Variants in INTS8 observed in about 807,000 individuals in gnomAD.
INTS8 encodes the protein protein kaonashi-1.
Under a neutral mutation model 138.9 loss-of-function variants are expected in INTS8, and 47 were observed. The ratio of observed to expected loss-of-function variants is 0.34; its 90% CI spans 0.27 to 0.43. The LOEUF (loss-of-function observed/expected upper bound fraction) is 0.43. INTS8 is among the 20% of genes least tolerant of loss of function. The pLI is 1.00. For synonymous variants in INTS8, 392 were observed against 400.9 expected (o/e 0.98, Z 0.27); for missense variants, 996 against 1,173.0 (o/e 0.85, Z 2.20).
At chr8:94,823,884 G>T (rs972399035) in intron 1 of INTS8, among the ~76,000 whole-genome samples, 7 of 152,252 alleles carry the variant, frequency 4.6e-5, no homozygotes, top group African/African-American at 1.7e-4. Flanking sequence ...CTTGGGTCGG[G>T]GAGGCTGACC....
At position 94,853,910 on chromosome 8, in the gene INTS8, G is replaced by A; in HGVS notation, c.1747G>A (p.Val583Ile). 1 of 1,542,356 alleles carries A rather than the reference G, an allele frequency of 6.5e-7. No individual in the cohort carries two copies. Among genetic ancestry groups the A allele is most frequent in the Non-Finnish European group, 9.0e-7 (1 of 1,114,790 alleles). Residue 583 changes from valine to isoleucine, a missense_variant, in exon 14 of 27, where the codon GTT (valine) becomes ATT (isoleucine). Transcript: ENST00000523731. ...LMAKGLHCST[V>I]KDFSHAKQLF... is the part of the protein sequence containing the mutation. ...GGCCAAAGGTTTGCACTGCAGTACT[G>A]TTAAGGTGAGTAAAAGTGTGTATCA...
chr8:94,865,418 C>A, intron 16 of INTS8, 88 bp from the exon 17 acceptor site: 1 of 1,045,318 alleles, frequency 9.6e-7, no homozygotes, highest in Non-Finnish European at 1.4e-6. Flanking sequence ...GCAGTCATTC[C>A]ATCTTTCCTC....
At position 94,840,559 on chromosome 8, in the gene INTS8, G is replaced by GTTTT. The variant is rs11395069; in HGVS notation, c.1018-919_1018-916dup. ...TTTTTTCAGCTGAATTTTTTAATTA[G>GTTTT]TTTTTTTTTTTTTTTTGAGACAGAG... On this transcript the variant is annotated intron_variant, in intron 8 of 26. Transcript: ENST00000523731. Among the ~76,000 whole-genome samples the GTTTT allele has an allele frequency of 7.3e-5, 10 of 136,512 alleles. 1 individual carries two copies. In the South Asian group the frequency reaches 1.1e-3, roughly 15 times the overall value. The allele number at this position is 136,512 out of a possible 152,430, so 89.6% of individuals were successfully genotyped here. A position where few individuals can be genotyped will look rare whatever the true frequency, so the allele number is the denominator to read the frequency against.
chr8:94,877,019 T>TA (rs1468325555), intron 26 of INTS8, among the ~76,000 whole-genome samples: 1 of 152,248 alleles, frequency 6.6e-6, no homozygotes, highest in Non-Finnish European at 1.5e-5. Flanking sequence ...CATTTCTTTT[T>TA]ACATTTTTCT....
chr8:94,845,270 G>A (rs775323456), intron 10 of INTS8, among the ~76,000 whole-genome samples: 2 of 152,044 alleles, frequency 1.3e-5, no homozygotes, highest in Non-Finnish European at 2.9e-5. Context: ...TGTGAAGCAG[G>A]AAGTGTGCCA....
In INTS8 at chr8:94,832,181, A is replaced by T; in HGVS notation, c.753+7A>T. 6.2e-7 allele frequency: 1 copy of T among 1,604,084 alleles called. No individual in the cohort carries two copies. Among genetic ancestry groups the T allele is most frequent in the Non-Finnish European group, 8.5e-7 (1 of 1,177,208 alleles). On this transcript the variant is annotated splice_region_variant and intron_variant, in intron 6 of 26. Coordinates refer to ENST00000523731, the MANE Select transcript of INTS8 (RefSeq NM_017864.4). ...CGAAGAAATGCAGTGCCAGGTATTCATTTGATACTTAATTTACGTAGGGCA... is the reference window on the plus strand; with the variant it reads ...CGAAGAAATGCAGTGCCAGGTATTCTTTTGATACTTAATTTACGTAGGGCA...
At chr8:94,831,327 A>T (rs1245800355) in intron 5 of INTS8, among the ~76,000 whole-genome samples, 1 of 151,668 alleles carries the variant, frequency 6.6e-6, no homozygotes, top group Non-Finnish European at 1.5e-5. Context: ...CTGGCCAGGC[A>T]GGTCTCGAAC....
chr8:94,872,196 G>A (rs117958850), intron 21 of INTS8, among the ~76,000 whole-genome samples, 194 bp downstream of exon 21: 37 of 151,836 alleles, frequency 2.4e-4, no homozygotes, highest in Non-Finnish European at 4.6e-4. Context: ...TTAACTTTAC[G>A]TTGACTACCT....
intron 8 of INTS8, 92 bp downstream of exon 8, chr8:94,838,710 T>C (rs1815026728): frequency 2.1e-6 from 2 of 968,528 alleles, no homozygotes; most frequent in East Asian, 4.8e-5. Context: ...GTTACGCGTT[T>C]TGGGGCAAGT....
At position 94,876,030 on chromosome 8, in the gene INTS8, A is replaced by G. The variant is rs762256839; in HGVS notation, c.2689-44A>G. Reference sequence around the variant, plus strand: ...AATTCAAGATTACCTTGTAAAACCAAGCTTTCATTACATGAAACCATTTTC... The same window carrying G: ...AATTCAAGATTACCTTGTAAAACCAGGCTTTCATTACATGAAACCATTTTC... On this transcript the variant is annotated intron_variant, in intron 23 of 26. Transcript: ENST00000523731. The G allele has an allele frequency of 3.9e-6, 5 of 1,268,088 alleles. No homozygotes were observed. In the South Asian group the frequency reaches 6.0e-5, roughly 15 times the overall value. 78.6% of individuals were successfully genotyped at this position (1,268,088 alleles called of 1,614,324 possible). A position where few individuals can be genotyped will look rare whatever the true frequency, so the allele number is the denominator to read the frequency against.
At chr8:94,848,621 A>G (rs1376209600) in intron 10 of INTS8, among the ~76,000 whole-genome samples, 4 of 152,216 alleles carry the variant, frequency 2.6e-5, no homozygotes, top group African/African-American at 9.6e-5. Context: ...CACGTTTTCA[A>G]TATTGTAGCA....
chr8:94,851,681 A>T lies in INTS8; in HGVS notation c.1636A>T (p.Asn546Tyr), dbSNP rs150251689. The change falls in exon 13 of 27, where the codon AAT becomes TAT. Residue 546 changes from asparagine to tyrosine, a missense_variant. Asn to Tyr is a moderately radical substitution (Grantham distance 143). Coordinates refer to ENST00000523731, the MANE Select transcript of INTS8 (RefSeq NM_017864.4). ...AGAGCGCCAGTTCTGGACAGTGTCT[A>T]ATAAGGTAAACCCTATGTCAAGAAC... ...TSERQFWTVS[N>Y]KWEVPSVYSG... The T allele has an allele frequency of 5.2e-4, 823 of 1,587,646 alleles. 4 individuals are homozygous for T. In the African/African-American group the frequency reaches 9.5e-3, roughly 18 times the overall value.
At chr8:94,870,994 A>G (rs1365753984) in intron 20 of INTS8, among the ~76,000 whole-genome samples, 1 of 152,008 alleles carries the variant, frequency 6.6e-6, no homozygotes, top group African/African-American at 2.4e-5. Context: ...GGGCTGCCAG[A>G]TGCACTGATA....
At chr8:94,838,048 T>C (rs922593699) in intron 7 of INTS8, among the ~76,000 whole-genome samples, 7 of 150,378 alleles carry the variant, frequency 4.7e-5, no homozygotes, top group Non-Finnish European at 1.0e-4. Context: ...TCTTTTCTTT[T>C]TTTTTTTTTT....
chr8:94,866,295 T>C (rs779627358), intron 18 of INTS8, 104 bp downstream of exon 18: 163 of 702,538 alleles, frequency 2.3e-4, no homozygotes, highest in Non-Finnish European at 3.6e-4. Context: ...TTATTTGTTT[T>C]TTAATTTTTT....
At position 94,836,768 on chromosome 8, in the gene INTS8, T is replaced by C. The variant is rs149581605; in HGVS notation, c.861+137T>C. The C allele has an allele frequency of 2.3e-4, 128 of 557,772 alleles. 1 individual carries two copies. The highest frequency in any genetic ancestry group is 2.1e-3 in the Admixed American group (61 of 29,122). 34.6% of individuals were successfully genotyped at this position (557,772 alleles called of 1,614,324 possible). A position where few individuals can be genotyped will look rare whatever the true frequency, so the allele number is the denominator to read the frequency against. On this transcript the variant is annotated intron_variant, in intron 7 of 26. Transcript: ENST00000523731. ...ATGTTCAAGAAAGTACTAAAACTGG[T>C]TTTTAAAAATCTGTAGTAATATAAC...
At position 94,823,571 on chromosome 8, in the gene INTS8, G is replaced by A. The variant is rs1236576108; in HGVS notation, c.130+10G>A. On this transcript the variant is annotated intron_variant, in intron 1 of 26. Coordinates refer to ENST00000523731, the MANE Select transcript of INTS8 (RefSeq NM_017864.4). Reference sequence around the variant, plus strand: ...CGCAAGCCCTGCCCGGGTGAGCGCGGCGCCTGCACCTGGGGAGCGGGACCC... The same window carrying A: ...CGCAAGCCCTGCCCGGGTGAGCGCGACGCCTGCACCTGGGGAGCGGGACCC... The A allele has an allele frequency of 1.3e-6, 2 of 1,556,532 alleles. No homozygotes were observed. Among genetic ancestry groups the A allele is most frequent in the Non-Finnish European group, 1.7e-6 (2 of 1,151,474 alleles).
At chr8:94,829,151 G>C (rs981561585) in intron 5 of INTS8, 125 bp downstream of exon 5, 9 of 682,798 alleles carry the variant, frequency 1.3e-5, no homozygotes, top group Non-Finnish European at 2.1e-5. Context: ...GATGTGGTGT[G>C]GGGGGCGGGG....
At position 94,872,021 on chromosome 8, in the gene INTS8, T is replaced by G; in HGVS notation, c.2533+19T>G. ...TACTTTGGTAAGTGAGATGTTTAGTTGCTTTGTGTTTTGTTTTTATAGCAC... is the reference window on the plus strand; with the variant it reads ...TACTTTGGTAAGTGAGATGTTTAGTGGCTTTGTGTTTTGTTTTTATAGCAC... On this transcript the variant is annotated intron_variant, in intron 21 of 26. Transcript: ENST00000523731. The G allele has an allele frequency of 8.3e-7, 1 of 1,203,480 alleles. No individual in the cohort carries two copies. The highest frequency in any genetic ancestry group is 1.2e-6 in the Non-Finnish European group (1 of 818,324). 74.6% of individuals were successfully genotyped at this position (1,203,480 alleles called of 1,614,324 possible).
Sources: gnomAD v4.1 joint callset for allele counts (sites outside exome capture counted in the v4.1 genomes callset) on GRCh38, gnomAD v4.1.1 for gene constraint, MANE v1.5 for transcripts, NCBI Gene and HGNC (gene_info 2026-07-23, HGNC 2026-07-21) for gene names.